ADAMTS17: variants seen among roughly 807,000 people sequenced by gnomAD.
The protein encoded by ADAMTS17 is ADAM metallopeptidase with thrombospondin type 1 motif 17, also known as A disintegrin and metalloproteinase with thrombospondin motifs 17.
Under a neutral mutation model 141.5 loss-of-function variants are expected in ADAMTS17, and 113 were observed. The ratio of observed to expected loss-of-function variants is 0.80; its 90% confidence interval spans 0.69 to 0.93. ADAMTS17 has a LOEUF of 0.93. ADAMTS17 is among the 40% of genes least tolerant of loss of function. ADAMTS17 has a pLI of 0.00. For synonymous variants in ADAMTS17, 768 were observed against 630.6 expected, an observed-to-expected ratio of 1.22 and a Z score of -3.27; for missense variants, 1,659 against 1,517.9, an observed-to-expected ratio of 1.09 and a Z score of -1.54.
chr15:100,195,613 C>CAAAAAAAAAAAAAAAAA (rs71287815), intron 8 of ADAMTS17, among the ~76,000 whole-genome samples: 1 of 63,646 alleles, frequency 1.6e-5, no homozygotes, highest in Non-Finnish European at 3.0e-5. Context: ...TGTTTGGTCT[C>CAAAAAAAAAAAAAAAAA]AAAAAAAAAA....
chr15:100,316,692 A>G (rs2045576180), intron 3 of ADAMTS17, among the ~76,000 whole-genome samples: 1 of 152,224 alleles, frequency 6.6e-6, no homozygotes, highest in Admixed American at 6.5e-5. Flanking sequence ...TTACATTTTA[A>G]TAATACTTTC....
At chr15:100,248,370 C>A (rs2043050518) in intron 7 of ADAMTS17, among the ~76,000 whole-genome samples, 1 of 152,202 alleles carries the variant, frequency 6.6e-6, no homozygotes, top group Admixed American at 6.5e-5. Context: ...GCCTAGCCAG[C>A]CAGGCTTGGA....
intron 8 of ADAMTS17, among the ~76,000 whole-genome samples, chr15:100,197,362 C>A (rs1020184101): frequency 6.6e-6 from 1 of 152,180 alleles, no homozygotes; most frequent in Non-Finnish European, 1.5e-5. Flanking sequence ...ACTCTGACAT[C>A]CTGCATTCTC....
chr15:100,157,437 T>C (rs767336523), intron 8 of ADAMTS17, among the ~76,000 whole-genome samples: 2 of 152,242 alleles, frequency 1.3e-5, no homozygotes, highest in Admixed American at 1.3e-4. Context: ...AATTTTTTGC[T>C]TAATTGCTCA....
At chr15:99,999,129 G>A (rs1251523520) in intron 18 of ADAMTS17, among the ~76,000 whole-genome samples, 1 of 152,086 alleles carries the variant, frequency 6.6e-6, no homozygotes, top group Non-Finnish European at 1.5e-5. Context: ...ATTTATCGAG[G>A]GCCTCCCACG....
intron 3 of ADAMTS17, among the ~76,000 whole-genome samples, chr15:100,303,172 T>A (rs938121886): frequency 3.4e-5 from 5 of 146,322 alleles, no homozygotes; most frequent in Non-Finnish European, 7.5e-5. Flanking sequence ...AATATAAAAA[T>A]TTATATATAT....
chr15:100,073,622 A>G (rs942319937), intron 15 of ADAMTS17, among the ~76,000 whole-genome samples: 3 of 151,988 alleles, frequency 2.0e-5, no homozygotes, highest in African/African-American at 4.8e-5. Context: ...AGGGACATGG[A>G]TGAAGCTGGA....
chr15:100,158,876 A>G (rs2039561158), intron 8 of ADAMTS17, among the ~76,000 whole-genome samples: 1 of 152,218 alleles, frequency 6.6e-6, no homozygotes, highest in African/African-American at 2.4e-5. Context: ...AAGATGCCCA[A>G]CGTCACTAAT....
chr15:100,108,309 T>C (rs994386904), intron 14 of ADAMTS17, among the ~76,000 whole-genome samples: 3 of 152,048 alleles, frequency 2.0e-5, no homozygotes, highest in African/African-American at 7.2e-5. Context: ...GTAGCTGGGA[T>C]TACAAGCGCA....
In ADAMTS17 at chr15:99,993,198, G is replaced by A. The variant is rs146651611; in HGVS notation, c.2799C>T (p.Cys933=). 8.6e-4 allele frequency: 1,391 copies of A among 1,614,166 alleles called. 2 individuals are homozygous for A. The highest frequency in any genetic ancestry group is 1.0e-3 in the Non-Finnish European group (1,198 of 1,180,038). ...ACACCCCTTTACCACAGCTGGCAGA[G>A]CACTGCAAGACACCATTCAAATATT... The part of the protein sequence containing the change: ...SIWEASEWSQ[C]SASCGKGVWK... Residue 933 remains cysteine (C), a splice_region_variant and synonymous_variant, in exon 20 of 22, where the codon TGC becomes TGT. Transcript: ENST00000268070. This position sits in a 1 kb window ranked among gnomAD's most constrained non-coding sequence, Gnocchi z 4.3.
intron 20 of ADAMTS17, among the ~76,000 whole-genome samples, chr15:99,988,956 G>C (rs774971552): frequency 3.3e-5 from 5 of 152,280 alleles, no homozygotes; most frequent in Admixed American, 1.3e-4. Context: ...GGAAGGTCAA[G>C]GTATGTACAA....
chr15:100,095,920 G>A (rs538212393), intron 15 of ADAMTS17, among the ~76,000 whole-genome samples: 7 of 152,316 alleles, frequency 4.6e-5, no homozygotes, highest in East Asian at 1.9e-4. Flanking sequence ...CAGACTGTAC[G>A]GCTTCATGCA....
intron 12 of ADAMTS17, chr15:100,126,011 T>C (rs963136643): frequency 6.6e-6 from 1 of 152,212 alleles, no homozygotes; most frequent in Non-Finnish European, 1.5e-5. Context: ...TTGTGAAATC[T>C]CTAGGCAGCA....
intron 8 of ADAMTS17, among the ~76,000 whole-genome samples, chr15:100,172,272 C>T (rs1045914690): frequency 1.8e-4 from 27 of 149,878 alleles, no homozygotes; most frequent in African/African-American, 6.3e-4. Flanking sequence ...GAGGCATGAC[C>T]TGGGCATGTG....
chr15:100,317,346 T>C (rs1193818762), intron 3 of ADAMTS17, among the ~76,000 whole-genome samples: 1 of 152,156 alleles, frequency 6.6e-6, no homozygotes, highest in African/African-American at 2.4e-5. Context: ...TGGGCTTCTC[T>C]GGAAAGCACT....
At chr15:100,124,457 A>T (rs1385570369) in intron 12 of ADAMTS17, among the ~76,000 whole-genome samples, 1 of 152,244 alleles carries the variant, frequency 6.6e-6, no homozygotes, top group Admixed American at 6.5e-5. Context: ...GGCCAAAACC[A>T]GAGAGAATTA....
At chr15:100,061,791 G>A (rs79908272) in intron 15 of ADAMTS17, among the ~76,000 whole-genome samples, 8 of 152,146 alleles carry the variant, frequency 5.3e-5, no homozygotes, top group African/African-American at 7.2e-5. Flanking sequence ...CCACTACTTC[G>A]ACCTCCAAAC....
chr15:100,001,439 G>A (rs372108128), intron 18 of ADAMTS17, among the ~76,000 whole-genome samples: 24 of 151,928 alleles, frequency 1.6e-4, no homozygotes, highest in African/African-American at 5.1e-4. Context: ...ATGCTATAAC[G>A]GTGGAAACAT....
intron 20 of ADAMTS17, among the ~76,000 whole-genome samples, chr15:99,988,723 G>A (rs2060638245): frequency 6.6e-6 from 1 of 152,132 alleles, no homozygotes; most frequent in Non-Finnish European, 1.5e-5. Context: ...CAGGCAAAAG[G>A]CTCCATCTTA....
Sources: gnomAD v4.1 joint callset for allele counts (sites outside exome capture counted in the v4.1 genomes callset) on GRCh38, gnomAD v4.1.1 for gene constraint, Gnocchi (gnomAD v3.1) non-coding constraint, MANE v1.5 for transcripts, NCBI Gene and HGNC (gene_info 2026-07-23, HGNC 2026-07-21) for gene names.